The following ARHGAP22 variants were observed in gnomAD, a reference collection of about 807,000 sequenced individuals.
ARHGAP22 encodes the protein rho GTPase-activating protein 22.
In ARHGAP22, 48 loss-of-function variants were observed where a neutral mutation model predicts 59.1. That is an observed-to-expected ratio of 0.81 (90% CI 0.64 to 1.03). ARHGAP22 has a LOEUF of 1.03. Among genes scored for constraint, ARHGAP22 ranks in the 50% least tolerant of loss-of-function variants. The pLI, the probability that ARHGAP22 is intolerant of heterozygous loss-of-function variation, is 0.00. For missense variants in ARHGAP22, 1,015 were observed against 958.7 expected (o/e 1.06, Z -0.78); for synonymous variants, 445 against 416.4 (o/e 1.07, Z -0.84).
At chr10:48,430,512 A>T in the ARHGAP22 span, 3 of 152,418 alleles carry the variant, frequency 2.0e-5, no homozygotes, top group Admixed American at 6.5e-5. Flanking sequence ...TATTAATACC[A>T]GCAGAGCAGC....
chr10:48,520,034 C>T (rs901850882), intron 3 of ARHGAP22, among the ~76,000 whole-genome samples: 1 of 152,156 alleles, frequency 6.6e-6, no homozygotes, highest in African/African-American at 2.4e-5. Context: ...GTTGCGGTGG[C>T]CTCCAGGGCA....
chr10:48,604,035 T>C (rs775515868), intron 1 of ARHGAP22, among the ~76,000 whole-genome samples: 1 of 152,252 alleles, frequency 6.6e-6, no homozygotes, highest in Non-Finnish European at 1.5e-5. Flanking sequence ...ACAGATGTTC[T>C]CATTCAAAAT....
At chr10:48,587,034 G>A (rs971992303) in intron 1 of ARHGAP22, among the ~76,000 whole-genome samples, 2 of 152,206 alleles carry the variant, frequency 1.3e-5, no homozygotes, top group African/African-American at 2.4e-5. Flanking sequence ...AGCCCTGGCT[G>A]CTCTGCAACC....
chr10:48,633,998 C>T (rs2061718092), intron 1 of ARHGAP22, among the ~76,000 whole-genome samples: 1 of 152,214 alleles, frequency 6.6e-6, no homozygotes, highest in Admixed American at 6.5e-5. Flanking sequence ...TTCTTCCTGG[C>T]CACCAGGATG....
At chr10:48,457,115 G>A (rs1417606808) in intron 5 of ARHGAP22, among the ~76,000 whole-genome samples, 3 of 152,120 alleles carry the variant, frequency 2.0e-5, no homozygotes, top group Non-Finnish European at 2.9e-5. Context: ...AGTGCAGCCC[G>A]CAGCAAGGTG....
At position 48,453,400 on chromosome 10, in the gene ARHGAP22, A is replaced by G; in HGVS notation, c.892T>C (p.Ser298Pro). 1 of 1,613,942 alleles carries G rather than the reference A, an allele frequency of 6.2e-7. No homozygotes were observed. Among genetic ancestry groups the G allele is most frequent in the South Asian group, 1.1e-5 (1 of 91,078 alleles). ...CKFLDEVQAY[S>P]NVNKMSVQNL... ...TGGACACTCATCTTGTTGACATTTG[A>G]GTATGCCTGAACTTCATCCAGAAAC... The change falls in exon 8 of 10, where the codon TCA (serine) becomes CCA (proline). Residue 298 changes from serine (S) to proline (P), a missense_variant. By Grantham distance (74) the Ser-to-Pro change is moderately conservative. Transcript: ENST00000249601.
Position 48,539,291 on chromosome 10 carries a change from A to AT in ARHGAP22, c.322+16171dup, listed in dbSNP as rs56801787. ...TAACAATTAGTATGAGAAGGGTAAC[A>AT]TTTTTTTTTTTTTTTTTTGAGACGG... On this transcript the variant is annotated intron_variant, in intron 3 of 9. Coordinates refer to ENST00000249601, the MANE Select transcript of ARHGAP22 (RefSeq NM_021226.4). Among the ~76,000 whole-genome samples, 580 of 136,266 alleles carry AT rather than the reference A, an allele frequency of 4.3e-3. 7 individuals are homozygous for AT. Among genetic ancestry groups the AT allele is most frequent in the African/African-American group, 8.9e-3 (315 of 35,260 alleles). 89.4% of individuals were successfully genotyped at this position (136,266 alleles called of 152,430 possible).
chr10:48,439,838 A>G, the ARHGAP22 span, among the ~76,000 whole-genome samples: 1 of 152,158 alleles, frequency 6.6e-6, no homozygotes, highest in African/African-American at 2.4e-5. Flanking sequence ...TCCGTCTTGC[A>G]CAGTTCCTGC....
the ARHGAP22 span, chr10:48,439,018 TCCCTGGACTGTGACA>T: frequency 6.6e-6 from 1 of 152,146 alleles, no homozygotes; most frequent in African/African-American, 2.4e-5. Flanking sequence ...ATTACGTGTC[TCCCTGGACTGTGACA>T]TCTATTTTCT....
chr10:48,644,935 AT>A (rs2062227346), intron 1 of ARHGAP22, among the ~76,000 whole-genome samples: 1 of 152,132 alleles, frequency 6.6e-6, no homozygotes, highest in South Asian at 2.1e-4. Context: ...AAATAAAAAA[AT>A]CAATGAACTA....
At chr10:48,505,939 C>G (rs565007675) in intron 3 of ARHGAP22, among the ~76,000 whole-genome samples, 150 of 152,312 alleles carry the variant, frequency 9.8e-4, no homozygotes, top group Non-Finnish European at 1.6e-3. Context: ...AGTTCTGCCC[C>G]CTCTCTGGCT....
chr10:48,641,444 C>T (rs552860658), intron 1 of ARHGAP22, among the ~76,000 whole-genome samples: 49 of 152,174 alleles, frequency 3.2e-4, no homozygotes, highest in East Asian at 1.2e-3. Flanking sequence ...GTTCAACATA[C>T]GCAAATCAAT....
At chr10:48,484,348 G>A (rs757519497) in intron 3 of ARHGAP22, among the ~76,000 whole-genome samples, 1 of 152,242 alleles carries the variant, frequency 6.6e-6, no homozygotes, top group Non-Finnish European at 1.5e-5. Context: ...GAGAAATCCC[G>A]CTTGGTAATG....
At chr10:48,546,160 C>T (rs1402356521) in intron 3 of ARHGAP22, among the ~76,000 whole-genome samples, 1 of 152,140 alleles carries the variant, frequency 6.6e-6, no homozygotes, top group South Asian at 2.1e-4. Context: ...CTGGCTTCTG[C>T]GCTGCCTCCC....
At chr10:48,559,094 G>T (rs944696793) in intron 2 of ARHGAP22, among the ~76,000 whole-genome samples, 3 of 152,216 alleles carry the variant, frequency 2.0e-5, no homozygotes, top group Admixed American at 2.0e-4. Flanking sequence ...AGGGTCCTGG[G>T]AATTCTTTGA....
intron 1 of ARHGAP22, 89 bp downstream of exon 1, chr10:48,604,674 C>G: frequency 6.2e-7 from 1 of 1,604,364 alleles, no homozygotes; most frequent in Non-Finnish European, 8.5e-7. Flanking sequence ...CCCCATGTGA[C>G]ACATGGCGTG....
At chr10:48,443,556 G>A (rs1165097802), downstream of ARHGAP22, among the ~76,000 whole-genome samples, 1 of 152,118 alleles carries the variant, frequency 6.6e-6, no homozygotes, top group Admixed American at 6.5e-5. Context: ...GGTGGAGGCA[G>A]GAGTAAGGAG....
chr10:48,519,105 A>G (rs1313544864), intron 3 of ARHGAP22, among the ~76,000 whole-genome samples: 4 of 152,152 alleles, frequency 2.6e-5, no homozygotes, highest in African/African-American at 9.7e-5. Context: ...AGGAGCAGAG[A>G]CGGAATGGCA....
At chr10:48,448,073 G>A (rs1387500740) in intron 9 of ARHGAP22, among the ~76,000 whole-genome samples, 1 of 152,132 alleles carries the variant, frequency 6.6e-6, no homozygotes, top group Non-Finnish European at 1.5e-5. Context: ...CTGTCAAAGT[G>A]CCCAATGTGC....
Sources: allele counts gnomAD v4.1 joint callset (sites outside exome capture counted in the v4.1 genomes callset), GRCh38; gene constraint gnomAD v4.1.1; transcripts MANE v1.5; gene names NCBI Gene and HGNC (gene_info 2026-07-23, HGNC 2026-07-21).